SUSD1: variants seen among roughly 807,000 people sequenced by gnomAD.
SUSD1 encodes sushi domain-containing protein 1.
SUSD1 carries 65 observed loss-of-function variants against 86.9 expected under a neutral mutation model. The ratio of observed to expected loss-of-function variants is 0.75; its 90% CI spans 0.61 to 0.92. The LOEUF (loss-of-function observed/expected upper bound fraction) is 0.92, where lower values mean the gene tolerates loss of function less well. Ranked by LOEUF, SUSD1 falls within the 40% of genes least tolerant of loss-of-function variation. The pLI is 0.00. For synonymous variants in SUSD1, 346 were observed against 350.0 expected (o/e 0.99, Z 0.13); for missense variants, 850 against 929.7 (o/e 0.91, Z 1.11).
intron 5 of SUSD1, chr9:112,137,938 A>C (rs1331900903): frequency 6.6e-6 from 1 of 151,788 alleles, no homozygotes; most frequent in Non-Finnish European, 1.5e-5. Flanking sequence ...AAATATAAAA[A>C]TTGGCTGGGT....
intron 9 of SUSD1, among the ~76,000 whole-genome samples, chr9:112,099,786 C>T (rs942965502): frequency 1.3e-5 from 2 of 152,216 alleles, no homozygotes; most frequent in Non-Finnish European, 2.9e-5. Context: ...TAACTCTTCT[C>T]TTATCAATTT....
chr9:112,145,271 TA>T (rs1832759152), intron 3 of SUSD1, among the ~76,000 whole-genome samples: 1 of 139,702 alleles, frequency 7.2e-6, no homozygotes, highest in Non-Finnish European at 1.5e-5. Flanking sequence ...AGTAATACCA[TA>T]ATTTCCTTTT....
chr9:112,141,489 C>T (rs1832560658), intron 5 of SUSD1, among the ~76,000 whole-genome samples: 1 of 151,824 alleles, frequency 6.6e-6, no homozygotes. Context: ...CTAGCCTGGC[C>T]AACACGGTGA....
chr9:112,041,825 C>T, intron 16 of SUSD1, 42 bp downstream of exon 16: 1 of 1,579,384 alleles, frequency 6.3e-7, no homozygotes, highest in Non-Finnish European at 8.6e-7. Context: ...CCCATCCTCC[C>T]CTCCATTCCA....
chr9:112,073,547 C>A (rs929177658), intron 12 of SUSD1, among the ~76,000 whole-genome samples: 1 of 127,668 alleles, frequency 7.8e-6, no homozygotes, highest in Admixed American at 9.7e-5. Context: ...CTCTTTCTCT[C>A]TCTATATAAG....
intron 10 of SUSD1, among the ~76,000 whole-genome samples, chr9:112,082,028 A>G (rs1219897405): frequency 6.6e-6 from 1 of 152,222 alleles, no homozygotes; most frequent in East Asian, 1.9e-4. Flanking sequence ...AGCAATTTCT[A>G]GTAAAGTTAA....
chr9:112,046,259 T>G (rs554715030), intron 15 of SUSD1, among the ~76,000 whole-genome samples: 1 of 152,228 alleles, frequency 6.6e-6, no homozygotes, highest in Non-Finnish European at 1.5e-5. Context: ...AAATTTGAAT[T>G]GTATTTTTTA....
intron 12 of SUSD1, among the ~76,000 whole-genome samples, chr9:112,069,159 C>T (rs1346152935): frequency 2.0e-5 from 3 of 152,132 alleles, no homozygotes; most frequent in Non-Finnish European, 4.4e-5. Context: ...GGGCGGACCA[C>T]CGAGAAACCC....
chr9:112,048,290 T>C (rs1331379854), intron 15 of SUSD1, among the ~76,000 whole-genome samples: 9 of 152,154 alleles, frequency 5.9e-5, no homozygotes, highest in African/African-American at 1.7e-4. Context: ...TGAGAGAAGG[T>C]AGATGTATAC....
intron 1 of SUSD1, among the ~76,000 whole-genome samples, chr9:112,157,984 T>C (rs1367660774): frequency 6.6e-6 from 1 of 150,710 alleles, no homozygotes; most frequent in East Asian, 2.0e-4. Context: ...TCACCACACC[T>C]GGCTAATTTT....
chr9:112,154,339 A>C (rs1294683422), intron 2 of SUSD1, among the ~76,000 whole-genome samples: 1 of 150,580 alleles, frequency 6.6e-6, no homozygotes, highest in Non-Finnish European at 1.5e-5. Flanking sequence ...CACACACAAA[A>C]AAAAAAAAAA....
At chr9:112,154,352 A>AGG (rs1833201279) in intron 2 of SUSD1, among the ~76,000 whole-genome samples, 1 of 116,784 alleles carries the variant, frequency 8.6e-6, no homozygotes, top group Non-Finnish European at 1.8e-5. Flanking sequence ...AAAAAAAAAA[A>AGG]GAGAGAGAAA....
intron 1 of SUSD1, among the ~76,000 whole-genome samples, chr9:112,169,756 C>T (rs1243897537): frequency 6.6e-6 from 1 of 150,800 alleles, no homozygotes; most frequent in East Asian, 2.0e-4. Context: ...CTCACTGCAA[C>T]CTCCACCTCC....
chr9:112,157,399 C>T (rs1308187247), intron 2 of SUSD1, 101 bp downstream of exon 2: 12 of 776,920 alleles, frequency 1.5e-5, no homozygotes, highest in African/African-American at 3.5e-5. Flanking sequence ...AACATGTGAA[C>T]AAAATAACAA....
intron 1 of SUSD1, among the ~76,000 whole-genome samples, chr9:112,174,907 G>A (rs1242781726): frequency 6.6e-6 from 1 of 151,582 alleles, no homozygotes. Flanking sequence ...GCGTCCCCCG[G>A]CGTCGCGGGG....
At chr9:112,131,177 G>C (rs1832019604) in intron 5 of SUSD1, among the ~76,000 whole-genome samples, 1 of 152,178 alleles carries the variant, frequency 6.6e-6, no homozygotes, top group African/African-American at 2.4e-5. Context: ...ACTGTGGTTT[G>C]TATGACCTCA....
chr9:112,084,231 GA>G (rs912625069), intron 10 of SUSD1, among the ~76,000 whole-genome samples: 22 of 151,400 alleles, frequency 1.5e-4, no homozygotes, highest in South Asian at 2.1e-4. Flanking sequence ...ACTTGAAAGG[GA>G]AAAAAAATAC....
rs1304990143 is a variant in SUSD1 at position 112,138,222 on chromosome 9, T to TATA, written c.706+4097_706+4098insTAT. On this transcript the variant is annotated intron_variant, in intron 5 of 16. Coordinates refer to ENST00000374270, the MANE Select transcript of SUSD1 (RefSeq NM_022486.5). ...CTGGGCAACACAGTGAGACTCCATC[T>TATA]CAAAAAAAAAATGTGTATATATATA... Among the ~76,000 whole-genome samples the TATA allele has an allele frequency of 3.7e-4, 48 of 129,956 alleles. 1 individual carries two copies. Among genetic ancestry groups the TATA allele is most frequent in the African/African-American group, 1.4e-3 (47 of 34,336 alleles). 85.3% of individuals were successfully genotyped at this position (129,956 alleles called of 152,430 possible).
chr9:112,107,769 T>C (rs1310540649), intron 8 of SUSD1, among the ~76,000 whole-genome samples: 1 of 152,158 alleles, frequency 6.6e-6, no homozygotes, highest in Non-Finnish European at 1.5e-5. Context: ...GAATCTATAA[T>C]AAAGATATCA....
Sources: gnomAD v4.1 joint callset for allele counts (sites outside exome capture counted in the v4.1 genomes callset) on GRCh38, gnomAD v4.1.1 for gene constraint, MANE v1.5 for transcripts, NCBI Gene and HGNC (gene_info 2026-07-23, HGNC 2026-07-21) for gene names.